INPP4A: variants seen among roughly 807,000 people sequenced by gnomAD.
INPP4A encodes the protein inositol polyphosphate-4-phosphatase type I A.
In INPP4A, 33 loss-of-function variants were observed where a neutral mutation model predicts 119.8. That is an observed-to-expected ratio of 0.28 (90% CI 0.21 to 0.37). The LOEUF (loss-of-function observed/expected upper bound fraction) is 0.37, where lower values mean the gene tolerates loss of function less well. Among genes scored for constraint, INPP4A ranks in the 10% least tolerant of loss-of-function variants. The probability of loss-of-function intolerance (pLI) is 1.00; values close to 1 mark genes in which losing one functional copy is unlikely to be tolerated. For synonymous variants in INPP4A, 496 were observed against 500.7 expected (o/e 0.99, Z 0.12); for missense variants, 956 against 1,289.9 (o/e 0.74, Z 3.97).
At chr2:98,558,550 G>T (rs1694895011) in intron 16 of INPP4A, among the ~76,000 whole-genome samples, 1 of 152,150 alleles carries the variant, frequency 6.6e-6, no homozygotes, top group Non-Finnish European at 1.5e-5. Context: ...AGGATCCTTT[G>T]CCCCTTCTTT....
At position 98,577,138 on chromosome 2, in the gene INPP4A, G is replaced by GCGCAGGTGAGTGC; in HGVS notation, c.2786+1_2786+13dup. On this transcript the variant is annotated stop_gained and frameshift_variant, in exon 24 of 25. Coordinates refer to ENST00000409851, the MANE Select transcript of INPP4A (RefSeq NM_001134225.2). LOFTEE classifies it high-confidence loss of function. ...TCTTCACCCAGGCCCTGGAGTGCAT[G>GCGCAGGTGAGTGC]CGCAGGTGAGTGCCGCAGCCAGGCC... 6.2e-7 allele frequency: 1 copy of GCGCAGGTGAGTGC among 1,607,006 alleles called. No individual in the cohort carries two copies. Among genetic ancestry groups the GCGCAGGTGAGTGC allele is most frequent in the African/African-American group, 1.3e-5 (1 of 74,870 alleles).
chr2:98,585,741 T>A (rs548161086), intron 24 of INPP4A, among the ~76,000 whole-genome samples: 1 of 152,388 alleles, frequency 6.6e-6, no homozygotes, highest in South Asian at 2.1e-4. Context: ...GAAAACTACG[T>A]TGAAATGAAA....
chr2:98,538,461 A>G (rs1444212827), intron 8 of INPP4A, among the ~76,000 whole-genome samples: 4 of 152,140 alleles, frequency 2.6e-5, no homozygotes, highest in Non-Finnish European at 5.9e-5. Context: ...ACCCACTGTC[A>G]TGCATAGTCT....
intron 1 of INPP4A, among the ~76,000 whole-genome samples, chr2:98,505,315 C>G (rs1384061104): frequency 6.6e-6 from 1 of 152,176 alleles, no homozygotes; most frequent in Non-Finnish European, 1.5e-5. Flanking sequence ...ACTGGGCGAG[C>G]CTTTGGGACT....
At chr2:98,572,095 C>T (rs1026323557) in intron 22 of INPP4A, 1 of 152,394 alleles carries the variant, frequency 6.6e-6, no homozygotes, top group Non-Finnish European at 1.5e-5. Context: ...GGCGCTGTGG[C>T]TGTTTTCCTT....
intron 1 of INPP4A, among the ~76,000 whole-genome samples, chr2:98,469,925 T>C (rs755644636): frequency 3.3e-5 from 5 of 152,186 alleles, no homozygotes; most frequent in Admixed American, 6.6e-5. Context: ...GTCCCCTCCT[T>C]CTCTCAGGCT....
chr2:98,468,317 C>T (rs1675209454), intron 1 of INPP4A, among the ~76,000 whole-genome samples: 1 of 152,140 alleles, frequency 6.6e-6, no homozygotes, highest in Non-Finnish European at 1.5e-5. Flanking sequence ...CTCATTGCAG[C>T]CTTGAACTCC....
chr2:98,491,675 C>G (rs371241840), intron 1 of INPP4A, among the ~76,000 whole-genome samples: 2 of 152,240 alleles, frequency 1.3e-5, no homozygotes, highest in East Asian at 3.9e-4. Context: ...ATTTTCGTCC[C>G]CATATCAGAG....
At chr2:98,586,979 C>T (rs1246763008) in intron 24 of INPP4A, among the ~76,000 whole-genome samples, 3 of 152,248 alleles carry the variant, frequency 2.0e-5, no homozygotes, top group Non-Finnish European at 4.4e-5. Context: ...AGCCAGCTGG[C>T]TTTGCTACAT....
intron 21 of INPP4A, among the ~76,000 whole-genome samples, chr2:98,567,672 G>C (rs1214093465): frequency 6.6e-6 from 1 of 152,246 alleles, no homozygotes; most frequent in Non-Finnish European, 1.5e-5. Context: ...GCAAAGGGCA[G>C]GTTCTTGACT....
intron 1 of INPP4A, among the ~76,000 whole-genome samples, chr2:98,451,687 C>G (rs1695254910): frequency 6.6e-6 from 1 of 152,174 alleles, no homozygotes; most frequent in Non-Finnish European, 1.5e-5. Flanking sequence ...ATTAATTCAC[C>G]CTAGCATATT....
At position 98,593,484 on chromosome 2, in the gene INPP4A, T is replaced by G. The variant is rs1265456687; in HGVS notation, c.*5876T>G. The G allele has an allele frequency of 6.6e-6, 1 of 152,298 alleles. No individual in the cohort carries two copies. The highest frequency in any genetic ancestry group is 1.9e-4 in the East Asian group (1 of 5,200). The allele number at this position is 152,298 out of a possible 1,614,324, so 9.4% of individuals were successfully genotyped here. A position where few individuals can be genotyped will look rare whatever the true frequency, so the allele number is the denominator to read the frequency against. On this transcript the variant is annotated 3_prime_UTR_variant, in exon 25 of 25. Transcript: ENST00000409851. The stretch of plus-strand genomic sequence containing the variant: ...GTTCTCCTGGGTTCCCTTTCTCACT[T>G]AAGATGATCTTCCTGAAAAATCTTA...
intron 23 of INPP4A, among the ~76,000 whole-genome samples, chr2:98,574,858 C>T (rs1462939608): frequency 6.6e-6 from 1 of 152,120 alleles, no homozygotes; most frequent in Non-Finnish European, 1.5e-5. Flanking sequence ...ACTGACCATC[C>T]CCTGTCACCA....
At chr2:98,461,040 C>T (rs1697058081) in intron 1 of INPP4A, among the ~76,000 whole-genome samples, 1 of 152,190 alleles carries the variant, frequency 6.6e-6, no homozygotes, top group African/African-American at 2.4e-5. Context: ...CCATCTTCTC[C>T]ATAGCCACGC....
intron 15 of INPP4A, 102 bp from the exon 16 acceptor site, chr2:98,555,451 G>C: frequency 8.0e-7 from 1 of 1,252,932 alleles, no homozygotes; most frequent in East Asian, 2.4e-5. Flanking sequence ...TAACAAGTGT[G>C]GAAGCCTAGG....
chr2:98,532,829 G>A (rs1488541617), intron 4 of INPP4A, among the ~76,000 whole-genome samples: 2 of 152,036 alleles, frequency 1.3e-5, no homozygotes, highest in Non-Finnish European at 2.9e-5. Context: ...GTTTATCATT[G>A]ACTGTAAATG....
chr2:98,539,858 C>T (rs1261184237), intron 10 of INPP4A, among the ~76,000 whole-genome samples, 183 bp downstream of exon 10: 2 of 152,188 alleles, frequency 1.3e-5, no homozygotes. Flanking sequence ...TCATGGATTC[C>T]TGTGCAAGGA....
At chr2:98,499,225 G>A (rs191679448) in intron 1 of INPP4A, among the ~76,000 whole-genome samples, 73 of 152,256 alleles carry the variant, frequency 4.8e-4, no homozygotes, top group South Asian at 4.1e-3. Context: ...CTGTGGAGTC[G>A]GGTTGTGAGC....
Position 98,593,171 on chromosome 2 carries a change from T to A in INPP4A, c.*5563T>A, listed in dbSNP as rs1700477437. ...GATTTCTTCCTGCATCAGGCCCCTG[T>A]GGGCCTTGCAGGCCAGTCCAGGCAG... On this transcript the variant is annotated 3_prime_UTR_variant, in exon 25 of 25. Coordinates refer to ENST00000409851, the MANE Select transcript of INPP4A (RefSeq NM_001134225.2). The A allele has an allele frequency of 6.6e-6, 1 of 152,404 alleles. No homozygotes were observed. Among genetic ancestry groups the A allele is most frequent in the Admixed American group, 6.5e-5 (1 of 15,294 alleles). 9.4% of individuals were successfully genotyped at this position (152,404 alleles called of 1,614,324 possible).
Sources: gnomAD v4.1 joint callset for allele counts (sites outside exome capture counted in the v4.1 genomes callset) on GRCh38, gnomAD v4.1.1 for gene constraint, MANE v1.5 for transcripts, NCBI Gene and HGNC (gene_info 2026-07-23, HGNC 2026-07-21) for gene names.